FRY: variants seen among roughly 807,000 people sequenced by gnomAD.
FRY encodes the protein FRY microtubule binding protein, also known as protein furry homolog.
A neutral mutation model predicts 348.4 loss-of-function variants in FRY; 128 were observed. That is an observed-to-expected ratio of 0.37 (90% CI 0.32 to 0.43). The LOEUF is 0.43. Among genes scored for constraint, FRY ranks in the 20% least tolerant of loss-of-function variants. The pLI is 1.00. For missense variants in FRY, 2,736 were observed against 3,695.2 expected (o/e 0.74, Z 6.73); for synonymous variants, 1,370 against 1,374.7 (o/e 1.00, Z 0.08).
At chr13:32,186,207 G>A in intron 26 of FRY, 53 bp from the exon 27 acceptor site, 8 of 1,237,092 alleles carry the variant, frequency 6.5e-6, no homozygotes, top group Non-Finnish European at 8.4e-6. Flanking sequence ...ATATATAATA[G>A]CGATATACAG....
At chr13:32,159,663 A>T (rs1234138338) in intron 16 of FRY, among the ~76,000 whole-genome samples, 2 of 152,200 alleles carry the variant, frequency 1.3e-5, no homozygotes, top group Non-Finnish European at 2.9e-5. Context: ...ATCATCTTGG[A>T]AGTCTGGCAG....
At chr13:32,114,893 G>A (rs1297135073) in intron 3 of FRY, among the ~76,000 whole-genome samples, 1 of 152,168 alleles carries the variant, frequency 6.6e-6, no homozygotes, top group African/African-American at 2.4e-5. Context: ...CATGACCACA[G>A]CAGGAAAAAT....
intron 58 of FRY, among the ~76,000 whole-genome samples, chr13:32,289,098 T>C (rs1173447322): frequency 6.6e-6 from 1 of 152,168 alleles, no homozygotes; most frequent in African/African-American, 2.4e-5. Context: ...TTTCTAAGCA[T>C]TTTTGGTCCC....
intron 51 of FRY, among the ~76,000 whole-genome samples, chr13:32,258,152 G>A (rs1201528730): frequency 6.6e-6 from 1 of 152,088 alleles, no homozygotes; most frequent in Non-Finnish European, 1.5e-5. Context: ...GTATGGAAAT[G>A]TTTTCTAAAA....
chr13:32,097,722 T>C (rs1158689041), intron 2 of FRY, among the ~76,000 whole-genome samples: 1 of 152,170 alleles, frequency 6.6e-6, no homozygotes, highest in African/African-American at 2.4e-5. Context: ...ATGTATAGTT[T>C]TAAACAATAG....
In FRY at chr13:32,261,913, CA is replaced by C. The variant is rs1174772847; in HGVS notation, c.7617+98del. On this transcript the variant is annotated intron_variant, in intron 52 of 60. Coordinates refer to ENST00000542859, the MANE Select transcript of FRY (RefSeq NM_023037.3). ...CAGTTGCAGCTAAGGAAACTTTCCA[CA>C]GCTGCTGAACTAAAATCGGAACTGT... 19 of 1,130,106 alleles carry C rather than the reference CA, an allele frequency of 1.7e-5. No homozygotes were observed. In the East Asian group the frequency reaches 4.7e-4, roughly 28 times the overall value. The allele number at this position is 1,130,106 out of a possible 1,614,324, so 70.0% of individuals were successfully genotyped here.
intron 7 of FRY, among the ~76,000 whole-genome samples, chr13:32,130,836 A>G (rs1309361573): frequency 4.7e-5 from 7 of 147,492 alleles, no homozygotes; most frequent in Non-Finnish European, 1.0e-4. Context: ...TTTTTTTGAG[A>G]CAGAGTTTCG....
intron 2 of FRY, chr13:32,086,012 G>A (rs764191476): frequency 1.2e-5 from 6 of 518,620 alleles, no homozygotes; most frequent in Non-Finnish European, 1.9e-5. Flanking sequence ...CTACCCAGGT[G>A]TGAATTGTGA....
At chr13:32,125,262 C>A (rs536856998) in intron 7 of FRY, among the ~76,000 whole-genome samples, 8 of 152,302 alleles carry the variant, frequency 5.3e-5, no homozygotes, top group African/African-American at 1.9e-4. Flanking sequence ...AGAATGTCCC[C>A]TTTACTATAG....
rs113874250 is a variant in FRY, at chr13:32,145,896, C to T, written c.1180-1386C>T. On this transcript the variant is annotated intron_variant, in intron 11 of 60. Transcript: ENST00000542859. ...CCCACAGCTGGTCTCCCTGCCTCTGCTCCATTCCCCATGCTGCAGACATTG... is the reference window on the plus strand; with the variant it reads ...CCCACAGCTGGTCTCCCTGCCTCTGTTCCATTCCCCATGCTGCAGACATTG... 2.6e-3 allele frequency among the ~76,000 whole-genome samples: 395 copies of T among 152,298 alleles called. 2 individuals carry two copies. The highest frequency in any genetic ancestry group is 9.3e-3 in the African/African-American group (388 of 41,564).
intron 29 of FRY, among the ~76,000 whole-genome samples, chr13:32,195,164 C>T (rs1373690130): frequency 6.6e-6 from 1 of 152,088 alleles, no homozygotes; most frequent in Admixed American, 6.6e-5. Flanking sequence ...ACAAGTTTCT[C>T]CTTAAAATTT....
At position 32,134,995 on chromosome 13, in the gene FRY, CT is replaced by C; in HGVS notation, c.978del (p.Ala327LeufsTer6). 6.2e-7 allele frequency: 1 copy of C among 1,604,474 alleles called. No individual in the cohort carries two copies. The highest frequency in any genetic ancestry group is 8.5e-7 in the Non-Finnish European group (1 of 1,171,230). ...LFVEILVPVA[A>X]AVKNEVNVPC... ...GTTGAAATACTTGTTCCAGTTGCTG[CT>C]GTGAGTTTCATTTCTAAAAACTCCT... On this transcript the variant is annotated frameshift_variant and splice_region_variant, in exon 9 of 61. Coordinates refer to ENST00000542859, the MANE Select transcript of FRY (RefSeq NM_023037.3). LOFTEE classifies it high-confidence loss of function.
chr13:32,173,892 A>G (rs1355049239), intron 19 of FRY, among the ~76,000 whole-genome samples: 1 of 152,260 alleles, frequency 6.6e-6, no homozygotes, highest in Non-Finnish European at 1.5e-5. Flanking sequence ...TAGAGAATAA[A>G]CTTGAAAAAT....
chr13:32,230,194 T>G (rs1885831816), intron 40 of FRY, among the ~76,000 whole-genome samples: 1 of 152,214 alleles, frequency 6.6e-6, no homozygotes, highest in Admixed American at 6.5e-5. Context: ...ATCCATTAGT[T>G]GTTTTTCCTG....
intron 1 of FRY, among the ~76,000 whole-genome samples, chr13:32,039,898 G>T: frequency 6.6e-6 from 1 of 152,178 alleles, no homozygotes; most frequent in East Asian, 1.9e-4. Context: ...ACTCTAATTT[G>T]ATATACAACT....
intron 27 of FRY, among the ~76,000 whole-genome samples, chr13:32,186,922 C>T (rs569686165): frequency 1.3e-5 from 2 of 152,198 alleles, no homozygotes; most frequent in Non-Finnish European, 2.9e-5. Flanking sequence ...ACCTTTGCCT[C>T]GGTGGAACTA....
intron 20 of FRY, 87 bp downstream of exon 20, chr13:32,175,719 TGGGTG>T: frequency 1.2e-6 from 1 of 805,160 alleles, no homozygotes; most frequent in Non-Finnish European, 2.2e-6. Context: ...TGGAATAATT[TGGGTG>T]TTTATGTCAG....
Position 32,237,994 on chromosome 13 carries a change from C to T in FRY, c.6418+8C>T. 1 of 1,612,666 alleles carries T rather than the reference C, an allele frequency of 6.2e-7. No individual in the cohort carries two copies. The highest frequency in any genetic ancestry group is 8.5e-7 in the Non-Finnish European group (1 of 1,179,920). On this transcript the variant is annotated splice_region_variant and intron_variant, in intron 44 of 60. Transcript: ENST00000542859. The surrounding 1 kb of genome is among the most constrained non-coding windows in gnomAD (Gnocchi z 6.3). ...ATGCATCCCACGCTATTGGTAAAGC[C>T]AGCCTCGTTCACCCTGTCTCAATTC...
intron 55 of FRY, among the ~76,000 whole-genome samples, chr13:32,271,352 A>G (rs1163794640): frequency 1.3e-5 from 2 of 152,188 alleles, no homozygotes; most frequent in Non-Finnish European, 2.9e-5. Context: ...TATGAGTTTT[A>G]TCTTTCAAAG....
Sources: allele counts gnomAD v4.1 joint callset (sites outside exome capture counted in the v4.1 genomes callset), GRCh38; gene constraint gnomAD v4.1.1; non-coding constraint Gnocchi (gnomAD v3.1); transcripts MANE v1.5; gene names NCBI Gene and HGNC (gene_info 2026-07-23, HGNC 2026-07-21).